MCTP2: variants seen among roughly 807,000 people sequenced by gnomAD.
MCTP2 encodes multiple C2 and transmembrane domain-containing protein 2.
A neutral mutation model predicts 111.6 loss-of-function variants in MCTP2; 132 were observed. That is an observed-to-expected ratio of 1.18 (90% CI 1.03 to 1.37). The LOEUF is 1.37. Ranked by LOEUF, MCTP2 falls within the 40% of genes most tolerant of loss-of-function variation. The pLI, the probability that MCTP2 is intolerant of heterozygous loss-of-function variation, is 0.00. For missense variants in MCTP2, 1,183 were observed against 1,067.9 expected, an observed-to-expected ratio of 1.11 and a Z score of -1.50; for synonymous variants, 395 against 387.7, an observed-to-expected ratio of 1.02 and a Z score of -0.22.
chr15:94,251,586 C>T (rs1035205668), intron 1 of MCTP2, among the ~76,000 whole-genome samples: 12 of 152,058 alleles, frequency 7.9e-5, no homozygotes, highest in African/African-American at 2.4e-4. Flanking sequence ...GTCGAACTCC[C>T]GACGTCGGGT....
intron 17 of MCTP2, among the ~76,000 whole-genome samples, chr15:94,411,636 G>C (rs879335922): frequency 6.6e-6 from 1 of 152,144 alleles, no homozygotes; most frequent in Non-Finnish European, 1.5e-5. Flanking sequence ...TTAGAAAGGT[G>C]TGTTTTGTTA....
rs1334165934 is a variant in MCTP2 at position 94,481,024 on chromosome 15, A to G, written c.*1990A>G. The G allele has an allele frequency of 6.6e-6, 1 of 152,188 alleles. No individual in the cohort carries two copies. The highest frequency in any genetic ancestry group is 1.5e-5 in the Non-Finnish European group (1 of 68,010). The allele number at this position is 152,188 out of a possible 1,614,324, so 9.4% of individuals were successfully genotyped here. A position where few individuals can be genotyped will look rare whatever the true frequency, so the allele number is the denominator to read the frequency against. On this transcript the variant is annotated 3_prime_UTR_variant, in exon 23 of 23. Coordinates refer to ENST00000357742, the MANE Select transcript of MCTP2 (RefSeq NM_001385001.1). ...GACATTGGATGTTTGTTAGAAAGGA[A>G]TGTTAGTTGTAAGTGACATGTTAAG...
chr15:94,384,065 A>T lies in MCTP2; in HGVS notation c.1626A>T (p.Arg542=). 1 of 1,613,926 alleles carries T rather than the reference A, an allele frequency of 6.2e-7. No individual in the cohort carries two copies. Among genetic ancestry groups the T allele is most frequent in the African/African-American group, 1.3e-5 (1 of 75,026 alleles). The part of the protein sequence containing the change: ...PFCLLELGND[R]LQTHTVYKNL... ...GCTTGTTGGAGTTAGGCAATGACCG[A>T]CTTCAGACGCATACCGTCTACAAAA... is the stretch of plus-strand genomic sequence containing the variant. Residue 542 remains arginine, a synonymous_variant, in exon 13 of 23, where the codon CGA becomes CGT. Coordinates refer to ENST00000357742, the MANE Select transcript of MCTP2 (RefSeq NM_001385001.1).
chr15:94,462,275 C>A (rs2085263029), intron 20 of MCTP2, among the ~76,000 whole-genome samples: 1 of 152,176 alleles, frequency 6.6e-6, no homozygotes, highest in Admixed American at 6.5e-5. Context: ...TATTAGTGAG[C>A]TCATGTGGTT....
At chr15:94,412,257 C>T (rs1322787939) in intron 17 of MCTP2, among the ~76,000 whole-genome samples, 1 of 151,356 alleles carries the variant, frequency 6.6e-6, no homozygotes, top group East Asian at 1.9e-4. Context: ...TTCTTGAGTA[C>T]AAACTGCATA....
intron 17 of MCTP2, among the ~76,000 whole-genome samples, chr15:94,404,697 T>C (rs1264160759): frequency 2.0e-5 from 3 of 151,856 alleles, no homozygotes; most frequent in African/African-American, 7.3e-5. Flanking sequence ...GTACCTTGCC[T>C]GTAGACCTGT....
chr15:94,243,766 T>C (rs868105515), intron 1 of MCTP2, among the ~76,000 whole-genome samples: 1 of 148,336 alleles, frequency 6.7e-6, no homozygotes, highest in Non-Finnish European at 1.5e-5. Flanking sequence ...CATATGTGTA[T>C]ATATTTATGA....
chr15:94,478,485 C>T (rs573870494), intron 22 of MCTP2, among the ~76,000 whole-genome samples: 1 of 152,300 alleles, frequency 6.6e-6, no homozygotes, highest in Non-Finnish European at 1.5e-5. Context: ...CACGAGAAAT[C>T]TATATAAAAG....
chr15:94,286,437 AT>A (rs779387948), intron 1 of MCTP2, among the ~76,000 whole-genome samples: 2 of 152,194 alleles, frequency 1.3e-5, no homozygotes, highest in Non-Finnish European at 2.9e-5. Flanking sequence ...AATTAAAAAA[AT>A]ATCCAGTAAT....
Position 94,237,642 on chromosome 15 carries a change from T to A in MCTP2, c.-66+5978T>A, listed in dbSNP as rs183728554. ...CCCAAAAGTATGTTTCTTTGCCATA[T>A]TTTGAAATGGTCCTGCAAAGCTGTC... On this transcript the variant is annotated intron_variant, in intron 1 of 22. Transcript: ENST00000357742. 1.7e-4 allele frequency among the ~76,000 whole-genome samples: 26 copies of A among 152,356 alleles called. No individual in the cohort carries two copies. The East Asian group carries it at 5.0e-3, about 29-fold the overall frequency.
intron 14 of MCTP2, among the ~76,000 whole-genome samples, chr15:94,391,393 A>G (rs1475786788): frequency 6.6e-6 from 1 of 152,208 alleles, no homozygotes; most frequent in Non-Finnish European, 1.5e-5. Flanking sequence ...AGTAAATAAT[A>G]TTGATTTATA....
chr15:94,276,089 C>A (rs2074191499), intron 1 of MCTP2, among the ~76,000 whole-genome samples: 1 of 151,978 alleles, frequency 6.6e-6, no homozygotes, highest in East Asian at 1.9e-4. Context: ...TGTGATCCGC[C>A]CGCCTTGGCC....
rs774344532 is a variant in MCTP2 at position 94,476,768 on chromosome 15, C to G, written c.2543C>G (p.Ser848Cys). ...AATAATGAGCTACTAGACTTCCTCTCTAGGGTACCGTCTGATGTTCAAAAG... is the reference window on the plus strand; with the variant it reads ...AATAATGAGCTACTAGACTTCCTCTGTAGGGTACCGTCTGATGTTCAAAAG... Reference protein sequence around the residue: ...IDNNELLDFLSRVPSDVQKVQ... With the variant: ...IDNNELLDFLCRVPSDVQKVQ... Residue 848 changes from serine to cysteine, a missense_variant, in exon 22 of 23, where the codon TCT becomes TGT. Transcript: ENST00000357742. 7 of 1,604,988 alleles carry G rather than the reference C, an allele frequency of 4.4e-6. No homozygotes were observed. The East Asian group carries it at 8.9e-5, about 20-fold the overall frequency.
chr15:94,344,019 G>A (rs2077816175), intron 7 of MCTP2: 2 of 151,752 alleles, frequency 1.3e-5, no homozygotes, highest in South Asian at 4.1e-4. Context: ...ATTAATTTTG[G>A]TGGTTGGTTT....
chr15:94,356,277 G>A lies in MCTP2; in HGVS notation c.1146G>A (p.Leu382=). The A allele has an allele frequency of 6.2e-7, 1 of 1,609,960 alleles. No individual in the cohort carries two copies. The highest frequency in any genetic ancestry group is 1.1e-5 in the South Asian group (1 of 90,238). The change falls in exon 9 of 23, where the codon CTG becomes CTA. Residue 382 remains leucine (L), a synonymous_variant. Transcript: ENST00000357742. ...SMTEMFVQLK[L]GDQRYKSKTL... Reference sequence around the variant, plus strand: ...CAGAGATGTTTGTCCAGTTAAAACTGGGAGATCAGAGGTATAAAAGTAAGG... The same window carrying A: ...CAGAGATGTTTGTCCAGTTAAAACTAGGAGATCAGAGGTATAAAAGTAAGG...
rs369508352 is a variant in MCTP2 at position 94,284,984 on chromosome 15, A to T, written c.-65-13217A>T. On this transcript the variant is annotated intron_variant, in intron 1 of 22. Coordinates refer to ENST00000357742, the MANE Select transcript of MCTP2 (RefSeq NM_001385001.1). ...ATTTTAAAATTTTGATTAATATTTC[A>T]GGGTTCAGGTCTCTAAGACCACTCT... Among the ~76,000 whole-genome samples the T allele has an allele frequency of 6.6e-5, 10 of 152,194 alleles. No homozygotes were observed. In the East Asian group the frequency reaches 1.9e-3, roughly 29 times the overall value.
chr15:94,382,278 C>T (rs190039528), intron 12 of MCTP2, among the ~76,000 whole-genome samples: 41 of 152,272 alleles, frequency 2.7e-4, no homozygotes, highest in Admixed American at 7.2e-4. Context: ...TTTTTTAGCC[C>T]GATTCTCCAG....
chr15:94,399,089 G>A (rs377629164), intron 15 of MCTP2, 27 bp downstream of exon 15: 15 of 1,162,028 alleles, frequency 1.3e-5, no homozygotes, highest in Admixed American at 5.4e-5. Flanking sequence ...CATACTTCCC[G>A]GCTTTCCCGT....
At position 94,440,256 on chromosome 15, in the gene MCTP2, C is replaced by T. The variant is rs762983993; in HGVS notation, c.2166C>T (p.Ile722=). ...TGCTGATCTTTGTCTACAATTTCAT[C>T]AGACCTGTGAAAGGCAAGGTCAGCA... ...ALLLIFVYNF[I]RPVKGKVSSI... Residue 722 remains isoleucine, a synonymous_variant, in exon 18 of 23, where the codon ATC becomes ATT. Coordinates refer to ENST00000357742, the MANE Select transcript of MCTP2 (RefSeq NM_001385001.1). 2.7e-5 allele frequency: 43 copies of T among 1,613,988 alleles called. No individual in the cohort carries two copies. Among genetic ancestry groups the T allele is most frequent in the Middle Eastern group, 1.6e-4 (1 of 6,084 alleles).
Sources: allele counts gnomAD v4.1 joint callset (sites outside exome capture counted in the v4.1 genomes callset), GRCh38; gene constraint gnomAD v4.1.1; transcripts MANE v1.5; gene names NCBI Gene and HGNC (gene_info 2026-07-23, HGNC 2026-07-21).